Variants in AXL observed in about 807,000 individuals in gnomAD.
The protein encoded by AXL is AXL receptor tyrosine kinase, also known as tyrosine-protein kinase receptor UFO.
A neutral mutation model predicts 104.5 loss-of-function variants in AXL; 52 were observed. That is an observed-to-expected ratio of 0.50 (90% CI 0.40 to 0.63). The LOEUF (loss-of-function observed/expected upper bound fraction) is 0.63. AXL is among the 20% of genes least tolerant of loss of function. AXL has a pLI of 0.00. For missense variants in AXL, 1,024 were observed against 1,188.5 expected, an observed-to-expected ratio of 0.86 and a Z score of 2.04; for synonymous variants, 455 against 473.7, an observed-to-expected ratio of 0.96 and a Z score of 0.51.
intron 6 of AXL, among the ~76,000 whole-genome samples, chr19:41,234,911 T>C (rs1303613108): frequency 6.6e-6 from 1 of 152,202 alleles, no homozygotes; most frequent in Non-Finnish European, 1.5e-5. Flanking sequence ...ATGGGGGTTT[T>C]GTGGTTCCAT....
At chr19:41,231,441 G>A (rs2033987541) in intron 6 of AXL, 143 bp downstream of exon 6, 1 of 766,054 alleles carries the variant, frequency 1.3e-6, no homozygotes, top group East Asian at 2.7e-5. Flanking sequence ...CAGATGTCCT[G>A]GGTTCGAATC....
chr19:41,247,434 C>T (rs753961497), intron 12 of AXL, among the ~76,000 whole-genome samples: 7 of 151,812 alleles, frequency 4.6e-5, no homozygotes, highest in Admixed American at 1.3e-4. Flanking sequence ...ACCTGAGAGG[C>T]GGAGGTTGCG....
At chr19:41,223,721 G>GA (rs2033832139) in intron 4 of AXL, among the ~76,000 whole-genome samples, 1 of 152,116 alleles carries the variant, frequency 6.6e-6, no homozygotes, top group Non-Finnish European at 1.5e-5. Context: ...CCCATGGCTC[G>GA]AGTGGCTGAG....
At position 41,252,427 on chromosome 19, in the gene AXL, C is replaced by T. The variant is rs370684779; in HGVS notation, c.1788C>T (p.Asn596=). The change falls in exon 15 of 20, where the codon AAC becomes AAT. Residue 596 remains asparagine, a synonymous_variant. Coordinates refer to ENST00000301178, the MANE Select transcript of AXL (RefSeq NM_021913.5). Reference sequence around the variant, plus strand: ...GCATGAAGGAATTTGACCATCCCAACGTCATGAGGCTCATCGGTGAGAGAG... The same window carrying T: ...GCATGAAGGAATTTGACCATCCCAATGTCATGAGGCTCATCGGTGAGAGAG... ...AVCMKEFDHP[N]VMRLIGVCFQ... is the part of the protein sequence containing the mutation. The T allele has an allele frequency of 1.4e-5, 23 of 1,614,014 alleles. No individual in the cohort carries two copies. In the African/African-American group the frequency reaches 1.6e-4, roughly 11 times the overall value.
chr19:41,239,135 T>C (rs199576732), intron 8 of AXL, 29 bp from the exon 9 acceptor site: 2 of 1,612,274 alleles, frequency 1.2e-6, no homozygotes, highest in East Asian at 2.2e-5. Context: ...GGTAAGGTTC[T>C]ACCCTGATGC....
chr19:41,238,654 G>C (rs1481119601), intron 8 of AXL, 45 bp downstream of exon 8: 3 of 1,572,512 alleles, frequency 1.9e-6, no homozygotes, highest in Non-Finnish European at 1.7e-6. Flanking sequence ...TTGGGGAGGA[G>C]GGAGGAGAAC....
chr19:41,235,434 C>T (rs1385278205), intron 6 of AXL, among the ~76,000 whole-genome samples: 1 of 151,980 alleles, frequency 6.6e-6, no homozygotes, highest in Non-Finnish European at 1.5e-5. Context: ...TATGCACAAG[C>T]AGTCTTCTAA....
chr19:41,226,450 G>A (rs1054703039), intron 4 of AXL, among the ~76,000 whole-genome samples: 20 of 152,232 alleles, frequency 1.3e-4, no homozygotes, highest in African/African-American at 4.6e-4. Flanking sequence ...CTGCGGGAGC[G>A]GGCACCTGAC....
At position 41,256,556 on chromosome 19, in the gene AXL, A is replaced by C. The variant is rs1414349280; in HGVS notation, c.2141A>C (p.Lys714Thr). Reference sequence around the variant, plus strand: ...GGACGTATCGCCAAGATGCCAGTCAAGTGGATTGCCATTGAGAGTCTAGCT... The same window carrying C: ...GGACGTATCGCCAAGATGCCAGTCACGTGGATTGCCATTGAGAGTCTAGCT... Reference protein sequence around the residue: ...RQGRIAKMPVKWIAIESLADR... With the variant: ...RQGRIAKMPVTWIAIESLADR... The change falls in exon 18 of 20, where the codon AAG becomes ACG. Residue 714 changes from lysine (K) to threonine (T), a missense_variant. Around this residue, in one of 5 missense-constraint regions of AXL, gnomAD observed 523 missense variants for 636.0 expected, o/e 0.82. Coordinates refer to ENST00000301178, the MANE Select transcript of AXL (RefSeq NM_021913.5). The C allele has an allele frequency of 6.2e-7, 1 of 1,614,238 alleles. No individual in the cohort carries two copies. The highest frequency in any genetic ancestry group is 1.1e-5 in the South Asian group (1 of 91,092).
rs1271932615 is a variant in AXL, at chr19:41,230,528, GTGTC to G, written c.587-435_587-432del. Among the ~76,000 whole-genome samples, 3 of 147,602 alleles carry G rather than the reference GTGTC, an allele frequency of 2.0e-5. No individual in the cohort carries two copies. The East Asian group carries it at 6.1e-4, about 30-fold the overall frequency. The stretch of plus-strand genomic sequence containing the variant: ...TGTGTGTGGCTGTGTGTCTTTGTGT[GTGTC>G]TGTGTCTGTGTGTCTGTGTGTATGA... On this transcript the variant is annotated intron_variant, in intron 4 of 19. Coordinates refer to ENST00000301178, the MANE Select transcript of AXL (RefSeq NM_021913.5).
At chr19:41,248,662 C>T in intron 13 of AXL, 53 bp downstream of exon 13, 1 of 1,611,684 alleles carries the variant, frequency 6.2e-7, no homozygotes, top group African/African-American at 1.3e-5. Context: ...AGATCCTGCA[C>T]TTCCACACTC....
intron 4 of AXL, among the ~76,000 whole-genome samples, chr19:41,225,983 T>G (rs1465614532): frequency 1.3e-5 from 2 of 152,170 alleles, no homozygotes; most frequent in Non-Finnish European, 2.9e-5. Flanking sequence ...TGTGGGGGGA[T>G]GGTCAGGACA....
chr19:41,253,063 G>GAGAGCA, intron 16 of AXL, 96 bp downstream of exon 16: 6 of 1,379,468 alleles, frequency 4.3e-6, no homozygotes, highest in Non-Finnish European at 6.0e-6. Context: ...CGGTGACCAG[G>GAGAGCA]AGCTTGCTCT....
intron 12 of AXL, among the ~76,000 whole-genome samples, chr19:41,248,105 G>C (rs915703072): frequency 6.6e-6 from 1 of 150,990 alleles, no homozygotes; most frequent in Non-Finnish European, 1.5e-5. Flanking sequence ...GTATTTTTTT[G>C]TAGAGACAGA....
chr19:41,234,796 A>T (rs2034050734), intron 6 of AXL, among the ~76,000 whole-genome samples: 1 of 152,132 alleles, frequency 6.6e-6, no homozygotes, highest in Non-Finnish European at 1.5e-5. Flanking sequence ...TGTGGCAGTA[A>T]ACTCCTTCCT....
chr19:41,234,951 G>C (rs2034052892), intron 6 of AXL, among the ~76,000 whole-genome samples: 1 of 152,224 alleles, frequency 6.6e-6, no homozygotes, highest in Non-Finnish European at 1.5e-5. Context: ...GTGTACACCA[G>C]TGGTGGCCCC....
intron 6 of AXL, among the ~76,000 whole-genome samples, chr19:41,234,860 G>C (rs1253786792): frequency 6.6e-6 from 1 of 152,194 alleles, no homozygotes; most frequent in Non-Finnish European, 1.5e-5. Flanking sequence ...GGAAGCCCTT[G>C]GCTGCACCAT....
intron 12 of AXL, among the ~76,000 whole-genome samples, chr19:41,245,543 C>T (rs967490137): frequency 1.3e-5 from 2 of 151,738 alleles, no homozygotes; most frequent in East Asian, 1.9e-4. Context: ...GCCAACATGG[C>T]GAGACCCTGT....
intron 19 of AXL, 125 bp downstream of exon 19, chr19:41,257,754 C>T (rs2034478087): frequency 7.9e-7 from 1 of 1,268,848 alleles, no homozygotes; most frequent in Non-Finnish European, 1.1e-6. Flanking sequence ...CTGAGTGACC[C>T]ACTTGCCCCT....
Sources: gnomAD v4.1 joint callset for allele counts (sites outside exome capture counted in the v4.1 genomes callset) on GRCh38, gnomAD v4.1.1 for gene constraint, gnomAD v4.1.1 regional missense constraint, MANE v1.5 for transcripts, NCBI Gene and HGNC (gene_info 2026-07-23, HGNC 2026-07-21) for gene names.